Variants in KIAA0825 observed in about 807,000 individuals in gnomAD.
KIAA0825 encodes the protein uncharacterized protein KIAA0825.
In KIAA0825, 119 loss-of-function variants were observed where a neutral mutation model predicts 147.6. The ratio of observed to expected loss-of-function variants is 0.81; its 90% CI spans 0.69 to 0.94. KIAA0825 has a LOEUF of 0.94. Ranked by LOEUF, KIAA0825 falls within the 40% of genes least tolerant of loss-of-function variation. The pLI is 0.00. For missense variants in KIAA0825, 1,381 were observed against 1,472.7 expected (o/e 0.94, Z 1.02); for synonymous variants, 470 against 518.1 (o/e 0.91, Z 1.26).
At chr5:94,278,008 A>G (rs1411914558) in intron 20 of KIAA0825, among the ~76,000 whole-genome samples, 1 of 152,182 alleles carries the variant, frequency 6.6e-6, no homozygotes, top group Non-Finnish European at 1.5e-5. Context: ...AAACTAACAC[A>G]GGAACAGAAA....
chr5:94,393,849 CTTTT>C (rs34735109), intron 17 of KIAA0825, among the ~76,000 whole-genome samples: 1 of 139,080 alleles, frequency 7.2e-6, no homozygotes, highest in Admixed American at 7.3e-5. Context: ...AAGAAACACT[CTTTT>C]TTTTTTTTTT....
At chr5:94,357,655 G>A (rs538197641) in intron 20 of KIAA0825, among the ~76,000 whole-genome samples, 7 of 152,256 alleles carry the variant, frequency 4.6e-5, no homozygotes, top group South Asian at 4.1e-4. Flanking sequence ...GTGACTCTGC[G>A]GTTGATTAAT....
chr5:94,589,100 TA>T, intron 1 of KIAA0825, among the ~76,000 whole-genome samples: 1 of 152,240 alleles, frequency 6.6e-6, no homozygotes, highest in Middle Eastern at 3.4e-3. Flanking sequence ...GGCACAGGTA[TA>T]CCTATGCAAC....
At chr5:94,239,914 C>T (rs972931778) in intron 20 of KIAA0825, among the ~76,000 whole-genome samples, 4 of 152,160 alleles carry the variant, frequency 2.6e-5, no homozygotes, top group Admixed American at 1.3e-4. Flanking sequence ...CCATTTAACA[C>T]ATTTAATAGA....
intron 20 of KIAA0825, among the ~76,000 whole-genome samples, chr5:94,352,957 C>G (rs957389631): frequency 1.3e-5 from 2 of 152,048 alleles, no homozygotes; most frequent in African/African-American, 4.8e-5. Context: ...GGCTACAAGA[C>G]TACAAATATG....
intron 15 of KIAA0825, among the ~76,000 whole-genome samples, chr5:94,412,823 A>G (rs1393870128): frequency 1.3e-5 from 2 of 152,158 alleles, no homozygotes; most frequent in African/African-American, 4.8e-5. Flanking sequence ...TTTGAACTGC[A>G]CAGGTCGACT....
chr5:94,304,228 C>T (rs1438705844), intron 20 of KIAA0825, among the ~76,000 whole-genome samples: 1 of 152,074 alleles, frequency 6.6e-6, no homozygotes, highest in African/African-American at 2.4e-5. Flanking sequence ...TTACTAGTCA[C>T]ATGAAACGAA....
rs1440148517 is a variant in KIAA0825, at chr5:94,529,243, T to C, written c.132-5145A>G. ...TGTATGTATCATATATATGTATATA[T>C]ACATATATATGTATATATCATATAT... On this transcript the variant is annotated intron_variant, in intron 3 of 20. Transcript: ENST00000682413. Among the ~76,000 whole-genome samples the C allele has an allele frequency of 4.9e-5, 6 of 123,632 alleles. No individual in the cohort carries two copies. In the South Asian group the frequency reaches 1.3e-3, roughly 27 times the overall value. 81.1% of individuals were successfully genotyped at this position (123,632 alleles called of 152,430 possible).
At chr5:94,583,786 C>T (rs933647489) in intron 1 of KIAA0825, among the ~76,000 whole-genome samples, 1 of 152,082 alleles carries the variant, frequency 6.6e-6, no homozygotes, top group African/African-American at 2.4e-5. Context: ...GGCTGACAGA[C>T]ACCTCATATA....
At chr5:94,606,615 CA>C (rs1554056402) in intron 1 of KIAA0825, among the ~76,000 whole-genome samples, 7 of 152,052 alleles carry the variant, frequency 4.6e-5, no homozygotes, top group Non-Finnish European at 2.9e-5. Flanking sequence ...CGCATATCTA[CA>C]ACTATGTGAT....
intron 16 of KIAA0825, among the ~76,000 whole-genome samples, chr5:94,402,851 G>A (rs537224122): frequency 2.6e-5 from 4 of 151,508 alleles, no homozygotes; most frequent in South Asian, 4.2e-4. Flanking sequence ...AAAGATTCAC[G>A]AATACAGGTA....
At chr5:94,540,778 A>C (rs1398153890) in intron 2 of KIAA0825, among the ~76,000 whole-genome samples, 1 of 152,244 alleles carries the variant, frequency 6.6e-6, no homozygotes, top group Non-Finnish European at 1.5e-5. Flanking sequence ...TGTGGGTCAG[A>C]TATTAAGTTT....
At chr5:94,388,559 T>C (rs982295012) in intron 18 of KIAA0825, among the ~76,000 whole-genome samples, 2 of 152,240 alleles carry the variant, frequency 1.3e-5, no homozygotes. Flanking sequence ...TCGTTTTTAT[T>C]GACAAAAAAG....
At chr5:94,589,196 T>G (rs1213471064) in intron 1 of KIAA0825, among the ~76,000 whole-genome samples, 2 of 152,146 alleles carry the variant, frequency 1.3e-5, no homozygotes, top group Non-Finnish European at 2.9e-5. Flanking sequence ...AACAGATTCC[T>G]GGGAATCTTG....
chr5:94,261,953 A>T (rs1776515398), intron 20 of KIAA0825, among the ~76,000 whole-genome samples: 1 of 152,152 alleles, frequency 6.6e-6, no homozygotes, highest in Admixed American at 6.6e-5. Flanking sequence ...ACTATTTCAT[A>T]AAAATGATAA....
chr5:94,321,827 C>A (rs2150247451), intron 20 of KIAA0825, among the ~76,000 whole-genome samples: 1 of 152,000 alleles, frequency 6.6e-6, no homozygotes, highest in South Asian at 2.1e-4. Context: ...ACAGAAAATA[C>A]ATTTTAATTA....
intron 5 of KIAA0825, 38 bp from the exon 6 acceptor site, chr5:94,484,968 T>C (rs1762879671): frequency 7.6e-7 from 1 of 1,317,538 alleles, no homozygotes; most frequent in South Asian, 1.9e-5. Context: ...ATACATTTTA[T>C]TTACCTTCTT....
At chr5:94,578,537 C>A (rs1157349308) in intron 2 of KIAA0825, among the ~76,000 whole-genome samples, 2 of 151,984 alleles carry the variant, frequency 1.3e-5, no homozygotes, top group Non-Finnish European at 2.9e-5. Context: ...GTTCTTTATA[C>A]AATTGATTTT....
intron 20 of KIAA0825, among the ~76,000 whole-genome samples, chr5:94,303,545 T>C (rs1009565483): frequency 5.3e-5 from 8 of 152,060 alleles, no homozygotes; most frequent in African/African-American, 7.2e-5. Context: ...CTATTTTAAA[T>C]TGTGGAGTGG....
Sources: gnomAD v4.1 joint callset for allele counts (sites outside exome capture counted in the v4.1 genomes callset) on GRCh38, gnomAD v4.1.1 for gene constraint, MANE v1.5 for transcripts, NCBI Gene and HGNC (gene_info 2026-07-23, HGNC 2026-07-21) for gene names.